The following WHRN variants were observed in gnomAD, a reference collection of about 807,000 sequenced individuals.
The protein encoded by WHRN is whirlin.
WHRN carries 41 observed loss-of-function variants against 68.3 expected under a neutral mutation model. The observed-to-expected ratio is 0.60, with a 90% CI of 0.47 to 0.78. The LOEUF is 0.78. Ranked by LOEUF, WHRN falls within the 30% of genes least tolerant of loss-of-function variation. The probability of loss-of-function intolerance (pLI) is 0.00; values close to 1 mark genes in which losing one functional copy is unlikely to be tolerated. For synonymous variants in WHRN, 560 were observed against 561.3 expected (o/e 1.00, Z 0.03); for missense variants, 1,243 against 1,244.7 (o/e 1.00, Z 0.02).
rs137953108 is a variant in WHRN at position 114,410,773 on chromosome 9, C to T, written c.1627-2755G>A. Among the ~76,000 whole-genome samples the T allele has an allele frequency of 3.2e-3, 491 of 152,354 alleles. 3 individuals carry two copies. The highest frequency in any genetic ancestry group is 0.011 in the African/African-American group (471 of 41,580). The stretch of plus-strand genomic sequence containing the variant: ...TCCTGACCTGTTAACTGCACACTGC[C>T]TCACAGGAATCTGCTGCTGACAGCC... On this transcript the variant is annotated intron_variant, in intron 7 of 11. Coordinates refer to ENST00000362057, the MANE Select transcript of WHRN (RefSeq NM_015404.4).
At chr9:114,454,855 AG>A (rs1158819431) in intron 3 of WHRN, among the ~76,000 whole-genome samples, 3 of 152,322 alleles carry the variant, frequency 2.0e-5, no homozygotes, top group Admixed American at 2.0e-4. Context: ...TGTTAATGAA[AG>A]GCTGGGTGCG....
chr9:114,504,769 G>C lies in WHRN; in HGVS notation c.33C>G (p.Ser11Arg), dbSNP rs45527543. MNAPLDGLSV[S>R]SSSTGSLGSA... Reference sequence around the variant, plus strand: ...AGCCCAGCGAGCCGGTGGAGGACGAGCTCACCGACAGGCCGTCCAGCGGCG... The same window carrying C: ...AGCCCAGCGAGCCGGTGGAGGACGACCTCACCGACAGGCCGTCCAGCGGCG... The change falls in exon 1 of 12, where the codon AGC becomes AGG. Residue 11 changes from serine to arginine, a missense_variant. Ser to Arg is a moderately radical substitution (Grantham distance 110, BLOSUM62 -1). Coordinates refer to ENST00000362057, the MANE Select transcript of WHRN (RefSeq NM_015404.4). 1.6e-3 allele frequency: 2,320 copies of C among 1,495,928 alleles called. 4 individuals are homozygous for C. The highest frequency in any genetic ancestry group is 1.8e-3 in the Non-Finnish European group (1,993 of 1,133,822). 92.7% of individuals were successfully genotyped at this position (1,495,928 alleles called of 1,614,324 possible).
At position 114,504,577 on chromosome 9, in the gene WHRN, C is replaced by T; in HGVS notation, c.225G>A (p.Val75=). The T allele has an allele frequency of 1.2e-6, 2 of 1,611,604 alleles. No individual in the cohort carries two copies. Among genetic ancestry groups the T allele is most frequent in the African/African-American group, 1.3e-5 (1 of 75,062 alleles). The change falls in exon 1 of 12, where the codon GTG becomes GTA. Residue 75 remains valine, a synonymous_variant. Coordinates refer to ENST00000362057, the MANE Select transcript of WHRN (RefSeq NM_015404.4). ...YHARRNVFDL[V]RTLRVLLDSP... ...TGTCCAGCAGCACGCGCAGGGTGCG[C>T]ACCAGGTCGAAGACGTTGCGGCGCG...
At chr9:114,403,379 T>G (rs757224484) in intron 10 of WHRN, 40 bp from the exon 11 acceptor site, 5 of 1,613,272 alleles carry the variant, frequency 3.1e-6, no homozygotes, top group Admixed American at 3.3e-5. Context: ...GCCTTCGCAG[T>G]TGGCAGGCCT....
At chr9:114,495,564 T>C (rs1172831229) in intron 1 of WHRN, among the ~76,000 whole-genome samples, 1 of 151,914 alleles carries the variant, frequency 6.6e-6, no homozygotes, top group Non-Finnish European at 1.5e-5. Flanking sequence ...AATAGATAAA[T>C]ACACTAAAAG....
intron 1 of WHRN, among the ~76,000 whole-genome samples, 187 bp downstream of exon 1, chr9:114,503,997 A>G (rs1844159870): frequency 6.6e-6 from 1 of 151,818 alleles, no homozygotes; most frequent in South Asian, 2.1e-4. Flanking sequence ...GTGCAGAACT[A>G]CGTTCCCAGT....
intron 1 of WHRN, among the ~76,000 whole-genome samples, chr9:114,497,729 T>C (rs1843584595): frequency 6.6e-6 from 1 of 152,194 alleles, no homozygotes; most frequent in Admixed American, 6.5e-5. Context: ...AAGGGTCTTG[T>C]AGAGTGGCTC....
intron 3 of WHRN, among the ~76,000 whole-genome samples, chr9:114,433,273 G>A (rs377231121): frequency 1.2e-4 from 18 of 152,306 alleles, no homozygotes; most frequent in Admixed American, 7.2e-4. Flanking sequence ...CAGTAGCTTC[G>A]AGCTCCCTCG....
At chr9:114,436,996 A>G (rs1837917438) in intron 3 of WHRN, among the ~76,000 whole-genome samples, 1 of 152,236 alleles carries the variant, frequency 6.6e-6, no homozygotes, top group Non-Finnish European at 1.5e-5. Flanking sequence ...CTGATACAGA[A>G]AAGCTACTAG....
At chr9:114,411,315 C>T (rs1299921430) in intron 7 of WHRN, among the ~76,000 whole-genome samples, 1 of 152,162 alleles carries the variant, frequency 6.6e-6, no homozygotes, top group Non-Finnish European at 1.5e-5. Flanking sequence ...CTTCCTCAGG[C>T]TCAACATTCA....
chr9:114,449,677 C>G (rs1279947237), intron 3 of WHRN, among the ~76,000 whole-genome samples: 2 of 152,234 alleles, frequency 1.3e-5, no homozygotes, highest in Middle Eastern at 6.8e-3. Flanking sequence ...ACAGCAATCA[C>G]TCAGCCTGTG....
At chr9:114,478,220 A>G in intron 2 of WHRN, 1 of 630,240 alleles carries the variant, frequency 1.6e-6, no homozygotes. Context: ...CCCTGGAGGC[A>G]GAGGTTGCAG....
chr9:114,431,041 A>C (rs1201616449), intron 3 of WHRN, among the ~76,000 whole-genome samples: 1 of 152,140 alleles, frequency 6.6e-6, no homozygotes, highest in Non-Finnish European at 1.5e-5. Context: ...GATCACTGTG[A>C]TGTAGAGTCC....
At chr9:114,495,031 A>G (rs1843333562) in intron 1 of WHRN, among the ~76,000 whole-genome samples, 1 of 152,206 alleles carries the variant, frequency 6.6e-6, no homozygotes, top group African/African-American at 2.4e-5. Context: ...CTGAGGTTGC[A>G]CCTAACAGGA....
At chr9:114,462,985 T>C (rs1840370205) in intron 3 of WHRN, among the ~76,000 whole-genome samples, 2 of 152,170 alleles carry the variant, frequency 1.3e-5, no homozygotes, top group African/African-American at 4.8e-5. Flanking sequence ...CTCTCTGGAA[T>C]GCTCCCTCTC....
At chr9:114,451,241 CTG>C (rs1465643641) in intron 3 of WHRN, among the ~76,000 whole-genome samples, 1 of 152,236 alleles carries the variant, frequency 6.6e-6, no homozygotes, top group Non-Finnish European at 1.5e-5. Flanking sequence ...TCAGCTGTCC[CTG>C]TTGGCATCAG....
intron 1 of WHRN, among the ~76,000 whole-genome samples, chr9:114,489,689 A>C (rs771787347): frequency 1.7e-4 from 26 of 152,250 alleles, no homozygotes; most frequent in Non-Finnish European, 3.1e-4. Flanking sequence ...CGGGGGTTAA[A>C]CTACACCATT....
At chr9:114,482,668 G>A (rs942209669) in intron 1 of WHRN, among the ~76,000 whole-genome samples, 2 of 151,622 alleles carry the variant, frequency 1.3e-5, no homozygotes, top group African/African-American at 2.4e-5. Flanking sequence ...GTAGCAAAAC[G>A]TTGACCAAGG....
chr9:114,429,927 T>A (rs563872400), intron 3 of WHRN, among the ~76,000 whole-genome samples: 2 of 152,338 alleles, frequency 1.3e-5, no homozygotes, highest in South Asian at 4.1e-4. Context: ...ATCTCTCATC[T>A]CTGCTGGGCA....
Sources: gnomAD v4.1 joint callset for allele counts (sites outside exome capture counted in the v4.1 genomes callset) on GRCh38, gnomAD v4.1.1 for gene constraint, MANE v1.5 for transcripts, NCBI Gene and HGNC (gene_info 2026-07-23, HGNC 2026-07-21) for gene names.